R3HDM2: variants seen among roughly 807,000 people sequenced by gnomAD.
R3HDM2 encodes the protein R3H domain containing 2.
A neutral mutation model predicts 124.5 loss-of-function variants in R3HDM2; 38 were observed. That is an observed-to-expected ratio of 0.31 (90% CI 0.24 to 0.40). The LOEUF is 0.40. Ranked by LOEUF, R3HDM2 falls within the 10% of genes least tolerant of loss-of-function variation. The pLI, the probability that R3HDM2 is intolerant of heterozygous loss-of-function variation, is 1.00. For synonymous variants in R3HDM2, 391 were observed against 448.0 expected (o/e 0.87, Z 1.61); for missense variants, 869 against 1,236.9 (o/e 0.70, Z 4.46).
chr12:57,325,211 C>T (rs759585917), intron 2 of R3HDM2, among the ~76,000 whole-genome samples: 15 of 152,146 alleles, frequency 9.9e-5, no homozygotes, highest in Non-Finnish European at 1.9e-4. Flanking sequence ...GGCACGATCT[C>T]GGCTCACTAC....
At chr12:57,373,965 T>C (rs1264110786) in intron 2 of R3HDM2, among the ~76,000 whole-genome samples, 3 of 150,838 alleles carry the variant, frequency 2.0e-5, no homozygotes, top group Non-Finnish European at 4.4e-5. Flanking sequence ...CCGCCTCTAC[T>C]AAAAACACAA....
Position 57,355,437 on chromosome 12 carries a change from C to G in R3HDM2, c.-36+40312G>C, listed in dbSNP as rs573586651. Among the ~76,000 whole-genome samples, 110 of 114,472 alleles carry G rather than the reference C, an allele frequency of 9.6e-4. 1 individual carries two copies. In the South Asian group the frequency reaches 0.029, roughly 30 times the overall value. The allele number at this position is 114,472 out of a possible 152,430, so 75.1% of individuals were successfully genotyped here. A position where few individuals can be genotyped will look rare whatever the true frequency, so the allele number is the denominator to read the frequency against. ...TCGGGCCACTGCACTCCAGCCTGGGCAACAGAGCGAGACTGTCTCAAAAAA... is the reference window on the plus strand; with the variant it reads ...TCGGGCCACTGCACTCCAGCCTGGGGAACAGAGCGAGACTGTCTCAAAAAA... On this transcript the variant is annotated intron_variant, in intron 2 of 23. Transcript: ENST00000402412.
chr12:57,386,347 C>T (rs983263568), intron 2 of R3HDM2, among the ~76,000 whole-genome samples: 5 of 152,234 alleles, frequency 3.3e-5, no homozygotes, highest in Admixed American at 2.0e-4. Context: ...CTGCCCATGG[C>T]GCTTGCGGGC....
intron 2 of R3HDM2, among the ~76,000 whole-genome samples, chr12:57,388,597 A>G (rs956939159): frequency 1.7e-4 from 26 of 152,106 alleles, no homozygotes; most frequent in African/African-American, 6.3e-4. Context: ...GCATTTTTCT[A>G]TCAGCTGAGG....
At chr12:57,330,228 A>T (rs1374892801) in intron 2 of R3HDM2, among the ~76,000 whole-genome samples, 1 of 151,908 alleles carries the variant, frequency 6.6e-6, no homozygotes, top group Non-Finnish European at 1.5e-5. Context: ...AGCTTCCCAA[A>T]GTGCTGGGAT....
chr12:57,267,009 G>A, intron 18 of R3HDM2, 178 bp from the exon 19 acceptor site: 1 of 519,958 alleles, frequency 1.9e-6, no homozygotes, highest in Non-Finnish European at 3.5e-6. Context: ...TTAATTATAT[G>A]TATTTGTACT....
intron 23 of R3HDM2, among the ~76,000 whole-genome samples, chr12:57,255,622 G>A (rs1328184073): frequency 6.6e-6 from 1 of 152,146 alleles, no homozygotes; most frequent in South Asian, 2.1e-4. Context: ...CCTAGTGGGA[G>A]GCTTGTAGGA....
At chr12:57,418,564 CTTTTTTT>C (rs777162116) in intron 1 of R3HDM2, among the ~76,000 whole-genome samples, 1 of 142,548 alleles carries the variant, frequency 7.0e-6, no homozygotes, top group African/African-American at 2.6e-5. Flanking sequence ...TTGATATCTT[CTTTTTTT>C]TTTTTTTTGT....
intron 2 of R3HDM2, among the ~76,000 whole-genome samples, chr12:57,356,732 A>G (rs2061341006): frequency 6.6e-6 from 1 of 152,248 alleles, no homozygotes; most frequent in South Asian, 2.1e-4. Context: ...TTTCTCTAGT[A>G]GACATAAACC....
chr12:57,316,996 C>T (rs2055186097), intron 2 of R3HDM2, among the ~76,000 whole-genome samples: 1 of 152,108 alleles, frequency 6.6e-6, no homozygotes, highest in Non-Finnish European at 1.5e-5. Flanking sequence ...ATCCACCCAC[C>T]TTGGCCTCCC....
At chr12:57,261,916 G>A (rs761218008) in intron 19 of R3HDM2, among the ~76,000 whole-genome samples, 1 of 152,178 alleles carries the variant, frequency 6.6e-6, no homozygotes, top group Non-Finnish European at 1.5e-5. Context: ...GAGGGGACGT[G>A]TGAATGGCTT....
At chr12:57,310,121 G>A (rs191659941) in intron 3 of R3HDM2, 143 bp downstream of exon 3, 3 of 519,198 alleles carry the variant, frequency 5.8e-6, no homozygotes, top group East Asian at 6.8e-5. Context: ...TGACGTGGGA[G>A]GATCTCTTGA....
intron 2 of R3HDM2, among the ~76,000 whole-genome samples, chr12:57,345,542 C>T (rs1025476994): frequency 1.9e-5 from 2 of 107,248 alleles, no homozygotes; most frequent in Admixed American, 9.6e-5. Flanking sequence ...CACACACACA[C>T]ACATATATTA....
intron 2 of R3HDM2, among the ~76,000 whole-genome samples, chr12:57,386,598 G>A (rs1000590714): frequency 6.6e-6 from 1 of 151,846 alleles, no homozygotes; most frequent in African/African-American, 2.4e-5. Flanking sequence ...GACGAGCGCC[G>A]CCCCCTGCTC....
chr12:57,361,195 G>A (rs1331366688), intron 2 of R3HDM2, among the ~76,000 whole-genome samples: 2 of 151,316 alleles, frequency 1.3e-5, no homozygotes, highest in African/African-American at 2.4e-5. Flanking sequence ...GACCAACACG[G>A]AGAAACCCCA....
At chr12:57,382,751 G>C (rs1214232970) in intron 2 of R3HDM2, among the ~76,000 whole-genome samples, 3 of 151,770 alleles carry the variant, frequency 2.0e-5, no homozygotes, top group Non-Finnish European at 4.4e-5. Flanking sequence ...CAGGAGAATG[G>C]CTTGAACCCA....
At chr12:57,360,007 A>ATAT (rs1491110610) in intron 2 of R3HDM2, among the ~76,000 whole-genome samples, 4 of 64,736 alleles carry the variant, frequency 6.2e-5, no homozygotes, top group African/African-American at 1.8e-4. Flanking sequence ...AAATAAATAA[A>ATAT]TATATATATA....
At chr12:57,395,113 G>A (rs1438647119) in intron 2 of R3HDM2, among the ~76,000 whole-genome samples, 1 of 152,080 alleles carries the variant, frequency 6.6e-6, no homozygotes, top group African/African-American at 2.4e-5. Flanking sequence ...GGGAGGCTGA[G>A]GCAGGAGAAT....
intron 14 of R3HDM2, among the ~76,000 whole-genome samples, chr12:57,273,519 T>C (rs1189040140): frequency 6.6e-6 from 1 of 152,194 alleles, no homozygotes; most frequent in Non-Finnish European, 1.5e-5. Flanking sequence ...ATTACATACA[T>C]TGTCTCATTA....
Sources: allele counts gnomAD v4.1 joint callset (sites outside exome capture counted in the v4.1 genomes callset), GRCh38; gene constraint gnomAD v4.1.1; transcripts MANE v1.5; gene names NCBI Gene and HGNC (gene_info 2026-07-23, HGNC 2026-07-21).